Variants in ACYP2 observed in about 807,000 individuals in gnomAD.
ACYP2 encodes the protein acylphosphatase-2.
Under a neutral mutation model 11.2 loss-of-function variants are expected in ACYP2, and 12 were observed. The observed-to-expected ratio is 1.08, with a 90% CI of 0.69 to 1.74. The LOEUF is 1.74. Ranked by LOEUF, ACYP2 falls within the 40% of genes most tolerant of loss-of-function variation. The pLI is 0.00. For missense variants in ACYP2, 134 were observed against 101.9 expected (o/e 1.31, Z -1.35); for synonymous variants, 43 against 32.2 (o/e 1.33, Z -1.13).
At chr2:54,125,941 CATGGT>C (rs1468830091) in intron 4 of ACYP2, among the ~76,000 whole-genome samples, 1 of 145,990 alleles carries the variant, frequency 6.8e-6, no homozygotes, top group Non-Finnish European at 1.5e-5. Context: ...ATTAGCTGGG[CATGGT>C]GGTGCACGCC....
At chr2:54,121,117 G>C (rs909697147) in intron 4 of ACYP2, among the ~76,000 whole-genome samples, 24 of 152,174 alleles carry the variant, frequency 1.6e-4, no homozygotes, top group African/African-American at 4.8e-4. Flanking sequence ...CAAGAGGAAT[G>C]AGGTACGCGG....
intron 6 of ACYP2, among the ~76,000 whole-genome samples, chr2:54,240,636 C>T (rs962014635): frequency 1.3e-5 from 2 of 152,180 alleles, no homozygotes; most frequent in African/African-American, 4.8e-5. Context: ...ATACTTGTGA[C>T]AAGTTGAATT....
rs147106693 is a variant in ACYP2, at chr2:54,071,967, C to T, written c.277+14607C>T. On this transcript the variant is annotated intron_variant, in intron 4 of 6. Coordinates refer to ENST00000607452, the MANE Select transcript of ACYP2 (RefSeq NM_001320586.2). ...CGGAGGTTGCAGTGAGCTGAGATCG[C>T]ACCACTGCACTCCAGCCTGGGAGAC... Among the ~76,000 whole-genome samples the T allele has an allele frequency of 9.0e-3, 1,366 of 152,172 alleles. 17 individuals are homozygous for T. Among genetic ancestry groups the T allele is most frequent in the African/African-American group, 0.03 (1,250 of 41,526 alleles).
intron 6 of ACYP2, among the ~76,000 whole-genome samples, chr2:54,160,350 A>G (rs1162994074): frequency 1.3e-5 from 2 of 152,082 alleles, no homozygotes; most frequent in South Asian, 2.1e-4. Context: ...GCACACTTCT[A>G]TGTGTGTGCT....
At chr2:54,033,720 C>T (rs1674718739) in intron 2 of ACYP2, among the ~76,000 whole-genome samples, 1 of 152,228 alleles carries the variant, frequency 6.6e-6, no homozygotes, top group Admixed American at 6.5e-5. Flanking sequence ...ATGTGGAGAA[C>T]AGACTGCAAG....
chr2:54,204,921 C>G (rs1028113665), intron 6 of ACYP2, among the ~76,000 whole-genome samples: 1 of 152,092 alleles, frequency 6.6e-6, no homozygotes, highest in African/African-American at 2.4e-5. Flanking sequence ...GTTTTTAATA[C>G]CAGCCATTCA....
intron 6 of ACYP2, among the ~76,000 whole-genome samples, chr2:54,240,155 A>T (rs1225346382): frequency 6.6e-6 from 1 of 152,206 alleles, no homozygotes; most frequent in Non-Finnish European, 1.5e-5. Flanking sequence ...AATGAAGGTG[A>T]GTAGCACTGA....
intron 2 of ACYP2, among the ~76,000 whole-genome samples, chr2:54,010,964 C>T (rs532705060): frequency 2.9e-4 from 44 of 152,006 alleles, no homozygotes; most frequent in African/African-American, 1.0e-3. Context: ...CTACCACACG[C>T]GGCCCCTCCC....
At chr2:54,151,190 T>C (rs1040484265) in intron 6 of ACYP2, among the ~76,000 whole-genome samples, 1 of 152,246 alleles carries the variant, frequency 6.6e-6, no homozygotes, top group African/African-American at 2.4e-5. Flanking sequence ...GTGTGAAATA[T>C]GAAATTTGAA....
At chr2:54,032,970 A>G (rs1181574213) in intron 2 of ACYP2, among the ~76,000 whole-genome samples, 1 of 152,214 alleles carries the variant, frequency 6.6e-6, no homozygotes, top group East Asian at 1.9e-4. Context: ...AAAGAGTTCC[A>G]GGCAGAGAAA....
chr2:54,075,415 C>T (rs1006265494), intron 4 of ACYP2, among the ~76,000 whole-genome samples: 2 of 151,582 alleles, frequency 1.3e-5, no homozygotes, highest in Admixed American at 6.6e-5. Context: ...ATGAGAATTG[C>T]TTGAACCCAG....
At chr2:54,011,398 G>C (rs972284208) in intron 2 of ACYP2, among the ~76,000 whole-genome samples, 14 of 152,102 alleles carry the variant, frequency 9.2e-5, no homozygotes, top group Non-Finnish European at 1.6e-4. Flanking sequence ...GGCACTGTTT[G>C]ATGACATTTC....
chr2:53,995,177 T>C (rs950161673), intron 2 of ACYP2, among the ~76,000 whole-genome samples: 3 of 152,214 alleles, frequency 2.0e-5, no homozygotes, highest in Non-Finnish European at 4.4e-5. Context: ...TGCTCTGTCC[T>C]GCCCATCTAT....
At chr2:54,271,402 T>C (rs1266065755) in intron 6 of ACYP2, among the ~76,000 whole-genome samples, 2 of 152,214 alleles carry the variant, frequency 1.3e-5, no homozygotes, top group Admixed American at 6.5e-5. Context: ...GTTTTTGAGA[T>C]GTTTTTTCAC....
At chr2:54,280,991 AGAG>A (rs754050839) in intron 6 of ACYP2, among the ~76,000 whole-genome samples, 9 of 152,214 alleles carry the variant, frequency 5.9e-5, no homozygotes, top group Admixed American at 1.3e-4. Context: ...ATCACCAAGA[AGAG>A]GAGGAATTTA....
chr2:54,257,722 TTAAA>T (rs1176614077), intron 6 of ACYP2, among the ~76,000 whole-genome samples: 4 of 152,206 alleles, frequency 2.6e-5, no homozygotes, highest in Admixed American at 1.3e-4. Context: ...CATTGATGGT[TTAAA>T]TAAATATAAG....
chr2:54,216,351 A>G (rs1361217077), intron 6 of ACYP2, among the ~76,000 whole-genome samples: 1 of 152,206 alleles, frequency 6.6e-6, no homozygotes, highest in Non-Finnish European at 1.5e-5. Flanking sequence ...ACAGCTGATC[A>G]TCTTCCAGAT....
intron 2 of ACYP2, among the ~76,000 whole-genome samples, chr2:54,022,914 C>G (rs115908461): frequency 6.6e-6 from 1 of 152,112 alleles, no homozygotes; most frequent in Non-Finnish European, 1.5e-5. Context: ...ATATTTTTCA[C>G]GACTTTCCAA....
In ACYP2 at chr2:54,233,520, G is replaced by A. The variant is rs115054697; in HGVS notation, c.405-71168G>A. 4.0e-3 allele frequency among the ~76,000 whole-genome samples: 604 copies of A among 152,038 alleles called. 4 individuals carry two copies. The highest frequency in any genetic ancestry group is 0.014 in the African/African-American group (571 of 41,462). On this transcript the variant is annotated intron_variant, in intron 6 of 6. Transcript: ENST00000607452. ...GGGGTTTCACCATTTCCTCAGGTTG[G>A]TCTTGAACTCCTGAGCTCAAAGTGA...
Sources: allele counts gnomAD v4.1 joint callset (sites outside exome capture counted in the v4.1 genomes callset), GRCh38; gene constraint gnomAD v4.1.1; transcripts MANE v1.5; gene names NCBI Gene and HGNC (gene_info 2026-07-23, HGNC 2026-07-21).